The following PTPRM variants were observed in gnomAD, a reference collection of about 807,000 sequenced individuals.
PTPRM encodes receptor-type tyrosine-protein phosphatase mu.
PTPRM carries 47 observed loss-of-function variants against 186.7 expected under a neutral mutation model. The ratio of observed to expected loss-of-function variants is 0.25; its 90% confidence interval spans 0.20 to 0.32. The LOEUF (loss-of-function observed/expected upper bound fraction) is 0.32. PTPRM is among the 10% of genes least tolerant of loss of function. PTPRM has a pLI of 1.00. For missense variants in PTPRM, 1,494 were observed against 1,865.0 expected, an observed-to-expected ratio of 0.80 and a Z score of 3.66; for synonymous variants, 668 against 674.9, an observed-to-expected ratio of 0.99 and a Z score of 0.16.
At position 8,380,293 on chromosome 18, in the gene PTPRM, C is replaced by T; in HGVS notation, c.3787-3C>T. On this transcript the variant is annotated splice_region_variant and splice_polypyrimidine_tract_variant and intron_variant, in intron 28 of 32. Coordinates refer to ENST00000580170, the MANE Select transcript of PTPRM (RefSeq NM_001105244.2). ...TTTGGAGCATTCTTGTTTGTGTTTG[C>T]AGAGCTATAAACAGCCTTCAGCTTT... 6.2e-7 allele frequency: 1 copy of T among 1,613,220 alleles called. No individual in the cohort carries two copies. Among genetic ancestry groups the T allele is most frequent in the South Asian group, 1.1e-5 (1 of 91,044 alleles).
chr18:8,039,909 C>A (rs541699333), intron 7 of PTPRM, among the ~76,000 whole-genome samples: 159 of 152,268 alleles, frequency 1.0e-3, no homozygotes, highest in African/African-American at 3.7e-3. Flanking sequence ...TGCATGGATA[C>A]CTGGGCCCTG....
chr18:7,824,517 G>A (rs1441837873), intron 2 of PTPRM, among the ~76,000 whole-genome samples: 1 of 152,046 alleles, frequency 6.6e-6, no homozygotes, highest in South Asian at 2.1e-4. Context: ...TACTTTTATT[G>A]CTCGTTTTTT....
intron 1 of PTPRM, among the ~76,000 whole-genome samples, chr18:7,619,414 GA>G (rs2037883591): frequency 6.6e-6 from 1 of 152,134 alleles, no homozygotes; most frequent in Admixed American, 6.5e-5. Flanking sequence ...TCCAGTCCCG[GA>G]AAAGTCTTAT....
At chr18:7,958,657 T>C (rs1445296603) in intron 7 of PTPRM, among the ~76,000 whole-genome samples, 1 of 152,202 alleles carries the variant, frequency 6.6e-6, no homozygotes, top group Admixed American at 6.5e-5. Flanking sequence ...GATGAGATGA[T>C]CCACCGGATA....
chr18:7,746,660 T>C (rs1285924241), intron 1 of PTPRM, among the ~76,000 whole-genome samples: 1 of 152,108 alleles, frequency 6.6e-6, no homozygotes, highest in East Asian at 1.9e-4. Context: ...GAGATAGGGT[T>C]TCACTATGTT....
At chr18:8,171,025 C>G (rs1052343232) in intron 14 of PTPRM, among the ~76,000 whole-genome samples, 1 of 152,168 alleles carries the variant, frequency 6.6e-6, no homozygotes, top group Non-Finnish European at 1.5e-5. Flanking sequence ...GTTCTTCAGT[C>G]ATTTTGCTGA....
At chr18:8,285,884 C>T (rs992498172) in intron 19 of PTPRM, among the ~76,000 whole-genome samples, 1 of 152,074 alleles carries the variant, frequency 6.6e-6, no homozygotes, top group East Asian at 1.9e-4. Flanking sequence ...CCTAGCTACT[C>T]AGGAGGCTGA....
At chr18:8,034,259 A>G (rs763033133) in intron 7 of PTPRM, among the ~76,000 whole-genome samples, 1 of 152,000 alleles carries the variant, frequency 6.6e-6, no homozygotes, top group Non-Finnish European at 1.5e-5. Context: ...CCTCCAGCCC[A>G]TGTGTAAAAT....
intron 11 of PTPRM, among the ~76,000 whole-genome samples, chr18:8,097,514 C>G (rs2091070381): frequency 6.6e-6 from 1 of 152,186 alleles, no homozygotes; most frequent in Admixed American, 6.5e-5. Context: ...TTAGGATTGA[C>G]ACTTGGCTAC....
intron 13 of PTPRM, among the ~76,000 whole-genome samples, chr18:8,140,515 G>T (rs564752618): frequency 1.3e-5 from 2 of 150,358 alleles, no homozygotes; most frequent in Non-Finnish European, 3.0e-5. Flanking sequence ...AATTTGACTG[G>T]AATACCACTC....
chr18:7,981,476 C>T (rs2082547599), intron 7 of PTPRM, among the ~76,000 whole-genome samples: 1 of 152,138 alleles, frequency 6.6e-6, no homozygotes, highest in South Asian at 2.1e-4. Context: ...GAGCCACTTA[C>T]ATCAATTAAA....
intron 1 of PTPRM, among the ~76,000 whole-genome samples, chr18:7,624,949 A>T (rs536669346): frequency 5.8e-4 from 88 of 152,300 alleles, no homozygotes; most frequent in African/African-American, 1.9e-3. Context: ...TGTGTGTATC[A>T]GCTGCTGCTG....
chr18:8,231,955 T>C (rs1250860295), intron 14 of PTPRM, among the ~76,000 whole-genome samples: 1 of 152,186 alleles, frequency 6.6e-6, no homozygotes, highest in African/African-American at 2.4e-5. Flanking sequence ...ACATCAGGGT[T>C]CATTCTTCAT....
At chr18:7,602,161 G>A (rs1217616325) in intron 1 of PTPRM, among the ~76,000 whole-genome samples, 1 of 152,130 alleles carries the variant, frequency 6.6e-6, no homozygotes, top group East Asian at 1.9e-4. Flanking sequence ...TCTTTAAAGT[G>A]GTCAGGACTG....
At chr18:8,166,769 A>G (rs1034415437) in intron 14 of PTPRM, among the ~76,000 whole-genome samples, 2 of 152,226 alleles carry the variant, frequency 1.3e-5, no homozygotes, top group African/African-American at 4.8e-5. Context: ...AGACTGAGCA[A>G]ACTAAGTTGC....
chr18:8,246,678 A>G (rs142197646), intron 15 of PTPRM, among the ~76,000 whole-genome samples: 222 of 152,146 alleles, frequency 1.5e-3, no homozygotes, highest in African/African-American at 5.1e-3. Context: ...CTCTTTTTCC[A>G]GGCTTCTTAC....
chr18:7,642,284 A>G (rs1673447844), intron 1 of PTPRM, among the ~76,000 whole-genome samples: 1 of 152,200 alleles, frequency 6.6e-6, no homozygotes, highest in South Asian at 2.1e-4. Context: ...GGAACGGCAT[A>G]TACATTAAAC....
rs767447548 is a variant in PTPRM at position 7,567,878 on chromosome 18, C to G, written c.60C>G (p.Gly20=). The change falls in exon 1 of 33, where the codon GGC becomes GGG. Residue 20 remains glycine (G), a synonymous_variant. Transcript: ENST00000580170. The surrounding 1 kb of genome is among the most constrained non-coding windows in gnomAD (Gnocchi z 4.3). ...TLAGLLLTAA[G]ETFSGGCLFD... The stretch of plus-strand genomic sequence containing the variant: ...CCGGACTTTTGCTAACTGCGGCGGG[C>G]GAGACGTTCTCAGGTAAGCGGGACC... 7 of 1,560,584 alleles carry G rather than the reference C, an allele frequency of 4.5e-6. No individual in the cohort carries two copies. The South Asian group carries it at 7.0e-5, about 16-fold the overall frequency.
At chr18:7,960,450 C>CATATATATATATATATATAT (rs71354579) in intron 7 of PTPRM, among the ~76,000 whole-genome samples, 5 of 120,582 alleles carry the variant, frequency 4.1e-5, no homozygotes, top group Non-Finnish European at 8.2e-5. Context: ...ATATAGGCAA[C>CATATATATATATATATATAT]ATATATATAT....
Sources: allele counts gnomAD v4.1 joint callset (sites outside exome capture counted in the v4.1 genomes callset), GRCh38; gene constraint gnomAD v4.1.1; non-coding constraint Gnocchi (gnomAD v3.1); transcripts MANE v1.5; gene names NCBI Gene and HGNC (gene_info 2026-07-23, HGNC 2026-07-21).